The following FDFT1 variants were observed in gnomAD, a reference collection of about 807,000 sequenced individuals.
The protein encoded by FDFT1 is farnesyl-diphosphate farnesyltransferase 1.
Under a neutral mutation model 46.8 loss-of-function variants are expected in FDFT1, and 68 were observed. The observed-to-expected ratio is 1.45, with a 90% CI of 1.19 to 1.78. FDFT1 has a LOEUF of 1.78. FDFT1 is among the 40% of genes most tolerant of loss of function. FDFT1 has a pLI of 0.00. For synonymous variants in FDFT1, 351 were observed against 185.1 expected, an observed-to-expected ratio of 1.90 and a Z score of -7.28; for missense variants, 928 against 524.4, an observed-to-expected ratio of 1.77 and a Z score of -7.52.
chr8:11,807,007 C>A (rs570550665), intron 1 of FDFT1, among the ~76,000 whole-genome samples: 1 of 124,878 alleles, frequency 8.0e-6, no homozygotes, highest in South Asian at 3.3e-4. Context: ...AATACGTATT[C>A]ATGATAGGAA....
At chr8:11,809,387 G>C in intron 2 of FDFT1, 2 of 1,166,928 alleles carry the variant, frequency 1.7e-6, no homozygotes, top group Non-Finnish European at 1.1e-6. Context: ...TGGTCTTCTG[G>C]TCTCCATAGT....
At chr8:11,808,725 C>G (rs1410271068) in intron 1 of FDFT1, 69 bp from the exon 2 acceptor site, 2 of 1,561,848 alleles carry the variant, frequency 1.3e-6, no homozygotes, top group Admixed American at 1.9e-5. Flanking sequence ...CTCCCACTCC[C>G]ACTCCCACTC....
intron 3 of FDFT1, among the ~76,000 whole-genome samples, chr8:11,816,522 T>C (rs1808477335): frequency 6.6e-6 from 1 of 152,224 alleles, no homozygotes; most frequent in African/African-American, 2.4e-5. Context: ...CTTCCATTTG[T>C]TTATGGCCTC....
intron 1 of FDFT1, among the ~76,000 whole-genome samples, chr8:11,806,879 C>T (rs1185344396): frequency 2.6e-5 from 4 of 152,112 alleles, no homozygotes; most frequent in African/African-American, 4.8e-5. Flanking sequence ...ATGTGCCAGA[C>T]GCTGAAGTTT....
Position 11,830,281 on chromosome 8 carries a change from C to G in FDFT1, c.740C>G (p.Ala247Gly). 1 of 1,614,042 alleles carries G rather than the reference C, an allele frequency of 6.2e-7. No individual in the cohort carries two copies. The highest frequency in any genetic ancestry group is 1.1e-5 in the South Asian group (1 of 91,078). Reference sequence around the variant, plus strand: ...TATGTTAAGAAGTTAGGGGATTTTGCTAAGCCGGAGAATATTGACTTGGCC... The same window carrying G: ...TATGTTAAGAAGTTAGGGGATTTTGGTAAGCCGGAGAATATTGACTTGGCC... ...SRYVKKLGDF[A>G]KPENIDLAVQ... is the part of the protein sequence containing the mutation. Residue 247 changes from alanine to glycine, a missense_variant, in exon 6 of 8, where the codon GCT (alanine) becomes GGT (glycine). Ala to Gly is a moderately conservative substitution (Grantham distance 60). Coordinates refer to ENST00000220584, the MANE Select transcript of FDFT1 (RefSeq NM_004462.5).
At chr8:11,809,311 C>G (rs894398413) in intron 2 of FDFT1, 1 of 1,092,660 alleles carries the variant, frequency 9.2e-7, no homozygotes, top group Non-Finnish European at 1.1e-6. Flanking sequence ...CGTATTTATA[C>G]TGAGAAGTTA....
Position 11,830,400 on chromosome 8 carries a change from A to C in FDFT1, c.859A>C (p.Asn287His). ...LSRLRNQSVF[N>H]FCAIPQVMAI... ...GAGACTCAGAAACCAGAGTGTGTTT[A>C]ACTTCTGTGCTATTCCACAGGTAGG... The change falls in exon 6 of 8, where the codon AAC becomes CAC. Residue 287 changes from asparagine (N) to histidine (H), a missense_variant. Physicochemically the swap from Asn to His is moderately conservative, Grantham distance 68. Coordinates refer to ENST00000220584, the MANE Select transcript of FDFT1 (RefSeq NM_004462.5). The C allele has an allele frequency of 6.2e-7, 1 of 1,613,592 alleles. No homozygotes were observed.
chr8:11,836,565 C>A (rs530694750), intron 7 of FDFT1, among the ~76,000 whole-genome samples: 8 of 152,350 alleles, frequency 5.3e-5, no homozygotes, highest in African/African-American at 1.9e-4. Flanking sequence ...GGCCTTCCTG[C>A]CTTCTGTTTC....
exon 1 of FDFT1, chr8:11,795,763 G>T (rs1274086365): frequency 6.6e-6 from 1 of 152,264 alleles, no homozygotes; most frequent in Non-Finnish European, 1.5e-5. Flanking sequence ...AACAACTCCA[G>T]ACGCGCCGAC....
chr8:11,803,324 A>G, intron 1 of FDFT1: 1 of 1,296,154 alleles, frequency 7.7e-7, no homozygotes, highest in Non-Finnish European at 1.0e-6. Context: ...CTATGCAGAT[A>G]ACATCACATG....
In FDFT1 at chr8:11,802,756, C is replaced by G. The variant is rs565232566; in HGVS notation, c.-77C>G. On this transcript the variant is annotated 5_prime_UTR_variant, in exon 1 of 8. Transcript: ENST00000220584. ...CCAGCCCCTCGAAGCACCTACTCCA[C>G]AGGTCCAGCCGGCCGGTGAGCGCCT... 16 of 1,168,586 alleles carry G rather than the reference C, an allele frequency of 1.4e-5. No homozygotes were observed. The East Asian group carries it at 2.3e-4, about 16-fold the overall frequency. The allele number at this position is 1,168,586 out of a possible 1,614,324, so 72.4% of individuals were successfully genotyped here.
chr8:11,825,772 G>A (rs184796556), intron 4 of FDFT1, among the ~76,000 whole-genome samples: 2 of 152,038 alleles, frequency 1.3e-5, no homozygotes. Context: ...CATGTGTATT[G>A]TAGAAATTTG....
intron 3 of FDFT1, among the ~76,000 whole-genome samples, chr8:11,816,414 G>A (rs1022405544): frequency 6.6e-6 from 1 of 152,164 alleles, no homozygotes; most frequent in African/African-American, 2.4e-5. Context: ...GAAAGTCATT[G>A]GTAGCTTGAT....
chr8:11,832,587 C>T (rs541103244), intron 7 of FDFT1, among the ~76,000 whole-genome samples: 206 of 92,910 alleles, frequency 2.2e-3, no homozygotes, highest in African/African-American at 6.3e-3. Flanking sequence ...GTCTTAGAGA[C>T]CAGAAGTCTT....
upstream of FDFT1, chr8:11,798,010 A>G (rs994729683): frequency 4.6e-5 from 7 of 152,256 alleles, no homozygotes; most frequent in African/African-American, 1.4e-4. Flanking sequence ...CTTTAAATCA[A>G]TCCATTGATT....
chr8:11,802,326 C>G (rs1381384850), upstream of FDFT1: 1 of 408,868 alleles, frequency 2.4e-6, no homozygotes, highest in East Asian at 7.2e-5. Context: ...ACGTGGGCGA[C>G]TTATTGACCA....
chr8:11,816,392 C>G (rs1050256200), intron 3 of FDFT1, among the ~76,000 whole-genome samples: 3 of 152,136 alleles, frequency 2.0e-5, no homozygotes, highest in East Asian at 3.9e-4. Flanking sequence ...TAGTTTTTTC[C>G]AATTCTGTGA....
At chr8:11,824,763 T>G (rs1384776758) in intron 4 of FDFT1, among the ~76,000 whole-genome samples, 1 of 152,050 alleles carries the variant, frequency 6.6e-6, no homozygotes, top group Non-Finnish European at 1.5e-5. Context: ...TGAGACGGAG[T>G]CTCACTCTGT....
chr8:11,798,329 G>T (rs1157534321), upstream of FDFT1, among the ~76,000 whole-genome samples: 26 of 152,130 alleles, frequency 1.7e-4, no homozygotes, highest in African/African-American at 2.4e-5. Flanking sequence ...CCAAGTGCTG[G>T]GATTACAGGT....
Sources: gnomAD v4.1 joint callset for allele counts (sites outside exome capture counted in the v4.1 genomes callset) on GRCh38, gnomAD v4.1.1 for gene constraint, MANE v1.5 for transcripts, NCBI Gene and HGNC (gene_info 2026-07-23, HGNC 2026-07-21) for gene names.